DDIT3: variants seen among roughly 807,000 people sequenced by gnomAD.
DDIT3 encodes the protein DNA damage-inducible transcript 3 protein.
In DDIT3, 14 loss-of-function variants were observed where a neutral mutation model predicts 17.6. That is an observed-to-expected ratio of 0.80 (90% CI 0.53 to 1.25). The LOEUF (loss-of-function observed/expected upper bound fraction) is 1.25. DDIT3 is among the 50% of genes most tolerant of loss of function. DDIT3 has a pLI of 0.00. For missense variants in DDIT3, 216 were observed against 202.7 expected, an observed-to-expected ratio of 1.07 and a Z score of -0.40; for synonymous variants, 93 against 76.5, an observed-to-expected ratio of 1.22 and a Z score of -1.13.
At chr12:57,517,843 T>C in intron 1 of DDIT3, 90 bp from the exon 2 acceptor site, 1 of 441,342 alleles carries the variant, frequency 2.3e-6, no homozygotes, top group Non-Finnish European at 4.0e-6. Context: ...TTTTTTTTTT[T>C]TTGAGACCAA....
chr12:57,518,232 C>A (rs1016448193), intron 1 of DDIT3, among the ~76,000 whole-genome samples: 2 of 146,334 alleles, frequency 1.4e-5, no homozygotes, highest in Non-Finnish European at 2.9e-5. Flanking sequence ...GCCTGACTTT[C>A]TTTATTTTTA....
At chr12:57,520,220 TC>T (rs1345591231) in intron 1 of DDIT3, among the ~76,000 whole-genome samples, 197 bp downstream of exon 1, 3 of 152,070 alleles carry the variant, frequency 2.0e-5, no homozygotes, top group African/African-American at 7.2e-5. Context: ...GTGTTCCGGC[TC>T]CGGGCAGGGG....
At chr12:57,517,524 T>A (rs1199814132) in intron 2 of DDIT3, 86 bp from the exon 3 acceptor site, 1 of 1,434,852 alleles carries the variant, frequency 7.0e-7, no homozygotes, top group East Asian at 2.3e-5. Context: ...TGATGCCTGT[T>A]TTTGTAGGTA....
intron 1 of DDIT3, among the ~76,000 whole-genome samples, 193 bp from the exon 2 acceptor site, chr12:57,517,946 C>T (rs4760298): frequency 0.013 from 1,954 of 152,026 alleles, 173 homozygotes; most frequent in Admixed American, 0.12. Flanking sequence ...TCTGCCTCGG[C>T]CTCCCGAGTA....
Position 57,517,296 on chromosome 12 carries a change from G to T in DDIT3, c.111C>A (p.Thr37=). The change falls in exon 3 of 4, where the codon ACC becomes ACA. Residue 37 remains threonine (T), a synonymous_variant. Transcript: ENST00000346473. ...CTTCATTTCCAGGAGGTGAAACATA[G>T]GTACCCCCATTTTCATCTGAAGACA... The part of the protein sequence containing the change: ...EVLSSDENGG[T]YVSPPGNEEE... 6.2e-7 allele frequency: 1 copy of T among 1,614,102 alleles called. No homozygotes were observed.
intron 1 of DDIT3, among the ~76,000 whole-genome samples, chr12:57,519,728 C>T (rs1367008916): frequency 6.6e-6 from 1 of 152,176 alleles, no homozygotes; most frequent in Non-Finnish European, 1.5e-5. Context: ...GAGACAGGAC[C>T]GGGTTAAAGA....
intron 1 of DDIT3, 109 bp from the exon 2 acceptor site, chr12:57,517,862 CTG>C (rs1375136113): frequency 7.1e-6 from 3 of 422,756 alleles, no homozygotes; most frequent in Non-Finnish European, 1.2e-5. Context: ...AAGTCTTGCT[CTG>C]TTGCCAGGCT....
At position 57,516,853 on chromosome 12, in the gene DDIT3, G is replaced by T. The variant is rs762234408; in HGVS notation, c.466C>A (p.Arg156Ser). 6.2e-7 allele frequency: 1 copy of T among 1,613,044 alleles called. No individual in the cohort carries two copies. Residue 156 changes from arginine (R) to serine (S), a missense_variant, in exon 4 of 4, where the codon CGC becomes AGC. Arg to Ser is a moderately radical substitution (Grantham distance 110). Transcript: ENST00000346473. ...ERLTREVEAT[R>S]RALIDRMVNL... is the part of the protein sequence containing the mutation. ...ACCATTCGGTCAATCAGAGCTCGGC[G>T]AGTCGCCTCTACTTCCCTGGTCAGG...
At chr12:57,518,064 ATCCATCGC>A (rs1878010519) in intron 1 of DDIT3, among the ~76,000 whole-genome samples, 1 of 151,978 alleles carries the variant, frequency 6.6e-6, no homozygotes, top group African/African-American at 2.4e-5. Flanking sequence ...TAACCTTGTG[ATCCATCGC>A]TTCCCAAAGT....
At position 57,516,640 on chromosome 12, in the gene DDIT3, C is replaced by T. The variant is rs1212282997; in HGVS notation, c.*169G>A. On this transcript the variant is annotated 3_prime_UTR_variant, in exon 4 of 4. Coordinates refer to ENST00000346473, the MANE Select transcript of DDIT3 (RefSeq NM_004083.6). ...ATAGGGACAGTAATAAATAAATGTA[C>T]AATCTCTATATACAAGCTGAGACCT... 1 of 1,529,100 alleles carries T rather than the reference C, an allele frequency of 6.5e-7. No homozygotes were observed. The highest frequency in any genetic ancestry group is 2.2e-5 in the Admixed American group (1 of 44,692). The allele number at this position is 1,529,100 out of a possible 1,614,324, so 94.7% of individuals were successfully genotyped here. A position where few individuals can be genotyped will look rare whatever the true frequency, so the allele number is the denominator to read the frequency against.
chr12:57,520,475 T>G lies in DDIT3; in HGVS notation c.-138A>C. 1 of 398,612 alleles carries G rather than the reference T, an allele frequency of 2.5e-6. No homozygotes were observed. Among genetic ancestry groups the G allele is most frequent in the Non-Finnish European group, 4.4e-6 (1 of 226,104 alleles). The allele number at this position is 398,612 out of a possible 1,614,324, so 24.7% of individuals were successfully genotyped here. A position where few individuals can be genotyped will look rare whatever the true frequency, so the allele number is the denominator to read the frequency against. ...TCTGTCGCTGCCACCCGCTCATCTT[T>G]AACATGATACGCTCAGTGCCTTAGA... is the stretch of plus-strand genomic sequence containing the variant. On this transcript the variant is annotated 5_prime_UTR_variant, in exon 1 of 4. Transcript: ENST00000346473.
chr12:57,517,831 T>C (rs1367558243), intron 1 of DDIT3, 78 bp from the exon 2 acceptor site: 3 of 428,034 alleles, frequency 7.0e-6, no homozygotes, highest in Non-Finnish European at 1.2e-5. Flanking sequence ...TTTTTTTCTT[T>C]CTTTTTTTTT....
At position 57,516,835 on chromosome 12, in the gene DDIT3, G is replaced by T; in HGVS notation, c.484C>A (p.Arg162=). The part of the protein sequence containing the change: ...VEATRRALID[R]MVNLHQA Reference sequence around the variant, plus strand: ...CATGCTTGGTGCAGATTCACCATTCGGTCAATCAGAGCTCGGCGAGTCGCC... The same window carrying T: ...CATGCTTGGTGCAGATTCACCATTCTGTCAATCAGAGCTCGGCGAGTCGCC... The change falls in exon 4 of 4, where the codon CGA becomes AGA. Residue 162 remains arginine, a synonymous_variant. Transcript: ENST00000346473. 1 of 1,611,966 alleles carries T rather than the reference G, an allele frequency of 6.2e-7. No individual in the cohort carries two copies. The highest frequency in any genetic ancestry group is 8.5e-7 in the Non-Finnish European group (1 of 1,179,978).
intron 1 of DDIT3, among the ~76,000 whole-genome samples, chr12:57,518,631 C>T (rs1328548851): frequency 6.6e-6 from 1 of 152,188 alleles, no homozygotes; most frequent in Non-Finnish European, 1.5e-5. Context: ...TTCTCTCACA[C>T]CCTGCAATCC....
rs1204529414 is a variant in DDIT3 at position 57,517,040 on chromosome 12, C to T, written c.279G>A (p.Glu93=). The change falls in exon 4 of 4, where the codon GAG becomes GAA. Residue 93 remains glutamate (E), a synonymous_variant. Transcript: ENST00000346473. Reference sequence around the variant, plus strand: ...TTCTCCCTTGGTCTTCCTCCTCTTCCTCCTGAGCCAGGGAGCTCTGACTGG... The same window carrying T: ...TTCTCCCTTGGTCTTCCTCCTCTTCTTCCTGAGCCAGGGAGCTCTGACTGG... ...PDSSQSSLAQ[E]EEEEDQGRTR... is the part of the protein sequence containing the mutation. 1.9e-6 allele frequency: 3 copies of T among 1,614,144 alleles called. No individual in the cohort carries two copies. Among genetic ancestry groups the T allele is most frequent in the Admixed American group, 3.3e-5 (2 of 60,018 alleles).
intron 1 of DDIT3, among the ~76,000 whole-genome samples, chr12:57,519,967 G>A (rs1006203584): frequency 1.3e-5 from 2 of 152,248 alleles, no homozygotes; most frequent in Non-Finnish European, 2.9e-5. Context: ...AGGTGGCCAT[G>A]CTGACACCAG....
chr12:57,517,917 C>T (rs28382849), intron 1 of DDIT3, among the ~76,000 whole-genome samples, 164 bp from the exon 2 acceptor site: 1,890 of 151,706 alleles, frequency 0.012, 28 homozygotes, highest in African/African-American at 0.033. Flanking sequence ...ACCTCTGCCT[C>T]CTCGGTTCAA....
intron 1 of DDIT3, chr12:57,519,114 T>C (rs755358444): frequency 8.1e-5 from 43 of 532,428 alleles, no homozygotes; most frequent in South Asian, 6.0e-4. Context: ...ATTTCTTCTC[T>C]TGCCACCCCT....
chr12:57,516,852 C>T lies in DDIT3; in HGVS notation c.467G>A (p.Arg156His), dbSNP rs776822428. Residue 156 changes from arginine to histidine, a missense_variant, in exon 4 of 4, where the codon CGC (arginine) becomes CAC (histidine). Arg to His is a conservative substitution (Grantham distance 29, BLOSUM62 0). Transcript: ENST00000346473. ...ERLTREVEAT[R>H]RALIDRMVNL... ...CACCATTCGGTCAATCAGAGCTCGG[C>T]GAGTCGCCTCTACTTCCCTGGTCAG... 25 of 1,612,786 alleles carry T rather than the reference C, an allele frequency of 1.6e-5. No homozygotes were observed. The highest frequency in any genetic ancestry group is 2.7e-5 in the African/African-American group (2 of 74,924).
Sources: gnomAD v4.1 joint callset for allele counts (sites outside exome capture counted in the v4.1 genomes callset) on GRCh38, gnomAD v4.1.1 for gene constraint, MANE v1.5 for transcripts, NCBI Gene and HGNC (gene_info 2026-07-23, HGNC 2026-07-21) for gene names.